Variants in LEPR observed in about 807,000 individuals in gnomAD.
LEPR encodes the protein OB receptor.
Under a neutral mutation model 114.7 loss-of-function variants are expected in LEPR, and 56 were observed. That is an observed-to-expected ratio of 0.49 (90% CI 0.39 to 0.61). The LOEUF (loss-of-function observed/expected upper bound fraction) is 0.61. LEPR is among the 20% of genes least tolerant of loss of function. The pLI is 0.00. For missense variants in LEPR, 1,202 were observed against 1,352.9 expected, an observed-to-expected ratio of 0.89 and a Z score of 1.75; for synonymous variants, 443 against 461.4, an observed-to-expected ratio of 0.96 and a Z score of 0.51.
rs994212259 is a variant in LEPR, at chr1:65,434,532, C to G, written c.-21+9154C>G. The stretch of plus-strand genomic sequence containing the variant: ...TTGGTGATTGAGTTCCCAGGCCAAG[C>G]CTCCCTCAACAGGTTCAACTCTAAT... On this transcript the variant is annotated intron_variant, in intron 2 of 19. Transcript: ENST00000349533. 4.1e-6 allele frequency: 4 copies of G among 984,944 alleles called. No individual in the cohort carries two copies. The East Asian group carries it at 4.5e-4, about 112-fold the overall frequency. 61.0% of individuals were successfully genotyped at this position (984,944 alleles called of 1,614,324 possible). A position where few individuals can be genotyped will look rare whatever the true frequency, so the allele number is the denominator to read the frequency against.
At chr1:65,586,050 A>G (rs998146961) in intron 5 of LEPR, among the ~76,000 whole-genome samples, 2 of 152,040 alleles carry the variant, frequency 1.3e-5, no homozygotes, top group Non-Finnish European at 2.9e-5. Flanking sequence ...GGTTATAATT[A>G]TTTTTTAGTC....
At chr1:65,612,148 C>A (rs1181652520) in intron 14 of LEPR, among the ~76,000 whole-genome samples, 1 of 152,186 alleles carries the variant, frequency 6.6e-6, no homozygotes, top group Non-Finnish European at 1.5e-5. Context: ...GAGTAAGCCA[C>A]AAGGCCACAG....
chr1:65,488,188 C>CT (rs1221447548), intron 2 of LEPR, among the ~76,000 whole-genome samples: 3 of 19,542 alleles, frequency 1.5e-4, no homozygotes, highest in African/African-American at 2.2e-4. Context: ...TTCTTTCTTT[C>CT]TTTCTTTCTT....
intron 5 of LEPR, among the ~76,000 whole-genome samples, chr1:65,587,738 AT>A (rs879471060): frequency 6.6e-6 from 1 of 151,852 alleles, no homozygotes; most frequent in Non-Finnish European, 1.5e-5. Flanking sequence ...TTCAGGGTTG[AT>A]TTTTTTTAGT....
At position 65,570,812 on chromosome 1, in the gene LEPR, A is replaced by G; in HGVS notation, c.370+10A>G. The G allele has an allele frequency of 6.5e-7, 1 of 1,541,284 alleles. No homozygotes were observed. Among genetic ancestry groups the G allele is most frequent in the Non-Finnish European group, 8.7e-7 (1 of 1,146,892 alleles). On this transcript the variant is annotated intron_variant, in intron 4 of 19. Transcript: ENST00000349533. ...GTTTTTCAACAAATAGGTAAGCATT[A>G]GCTATGTTTTAAATGTATTGAACAA... is the stretch of plus-strand genomic sequence containing the variant.
intron 2 of LEPR, among the ~76,000 whole-genome samples, chr1:65,456,032 G>A (rs570241612): frequency 6.6e-6 from 1 of 152,302 alleles, no homozygotes; most frequent in South Asian, 2.1e-4. Flanking sequence ...TCGGGTGGGA[G>A]TGACCCGATT....
At chr1:65,513,158 A>G (rs1298440488) in intron 2 of LEPR, among the ~76,000 whole-genome samples, 4 of 152,174 alleles carry the variant, frequency 2.6e-5, no homozygotes, top group African/African-American at 7.2e-5. Context: ...AGATACTATG[A>G]TGGTTCCAGC....
chr1:65,590,988 C>T (rs1655658732), intron 5 of LEPR, among the ~76,000 whole-genome samples: 1 of 151,720 alleles, frequency 6.6e-6, no homozygotes, highest in Admixed American at 6.6e-5. Flanking sequence ...TAGTGTTAAA[C>T]ACATTTCCCT....
chr1:65,608,990 G>A, intron 12 of LEPR, 89 bp downstream of exon 12: 2 of 1,515,750 alleles, frequency 1.3e-6, no homozygotes, highest in Non-Finnish European at 1.8e-6. Context: ...AATTTTATTG[G>A]CATAAAAGTA....
At chr1:65,517,667 G>T (rs12029311) in intron 2 of LEPR, among the ~76,000 whole-genome samples, 10 of 152,178 alleles carry the variant, frequency 6.6e-5, no homozygotes, top group African/African-American at 2.4e-4. Context: ...AATAGTCTTC[G>T]ATGTGGTAGG....
At chr1:65,436,181 C>T (rs1043865582) in intron 2 of LEPR, among the ~76,000 whole-genome samples, 35 of 152,282 alleles carry the variant, frequency 2.3e-4, no homozygotes, top group African/African-American at 8.2e-4. Context: ...AGAAACAGTT[C>T]AGGAATGTTG....
intron 19 of LEPR, 104 bp from the exon 20 acceptor site, chr1:65,636,087 T>C: frequency 1.5e-6 from 2 of 1,314,110 alleles, no homozygotes; most frequent in Admixed American, 3.6e-5. Flanking sequence ...GGTTGACTTA[T>C]GTTCTTTATT....
chr1:65,504,551 A>G (rs747696620), intron 2 of LEPR, among the ~76,000 whole-genome samples: 3 of 152,196 alleles, frequency 2.0e-5, no homozygotes, highest in Non-Finnish European at 2.9e-5. Flanking sequence ...GCAAATCACA[A>G]TTGAGGGGCA....
At chr1:65,523,063 A>T (rs892044425) in intron 2 of LEPR, among the ~76,000 whole-genome samples, 1 of 152,210 alleles carries the variant, frequency 6.6e-6, no homozygotes, top group Admixed American at 6.5e-5. Flanking sequence ...GGTGTCTCCT[A>T]GCCTAGAATG....
intron 5 of LEPR, among the ~76,000 whole-genome samples, chr1:65,590,689 T>C (rs1274377105): frequency 2.0e-5 from 3 of 152,026 alleles, no homozygotes; most frequent in Non-Finnish European, 2.9e-5. Flanking sequence ...AATTACCCAG[T>C]CTTGGGTATT....
At chr1:65,421,784 G>C (rs1646256673) in intron 1 of LEPR, among the ~76,000 whole-genome samples, 1 of 152,156 alleles carries the variant, frequency 6.6e-6, no homozygotes, top group African/African-American at 2.4e-5. Flanking sequence ...GAAAAGTAGT[G>C]TCTCAGTACT....
Position 65,633,026 on chromosome 1 carries a change from TA to T in LEPR, c.2674-3163del. 1 of 776,672 alleles carries T rather than the reference TA, an allele frequency of 1.3e-6. No homozygotes were observed. The highest frequency in any genetic ancestry group is 2.1e-6 in the Non-Finnish European group (1 of 483,772). The allele number at this position is 776,672 out of a possible 1,614,324, so 48.1% of individuals were successfully genotyped here. On this transcript the variant is annotated intron_variant, in intron 19 of 19. Transcript: ENST00000349533. This position sits in a 1 kb window ranked among gnomAD's most constrained non-coding sequence, Gnocchi z 4.1. Reference sequence around the variant, plus strand: ...CCTTTCCCAAAAGGATGCATTATTGTAACCTAACACAAAAATTTATAGTCCA... The same window carrying T: ...CCTTTCCCAAAAGGATGCATTATTGTACCTAACACAAAAATTTATAGTCCA...
intron 2 of LEPR, among the ~76,000 whole-genome samples, chr1:65,533,346 G>A (rs1650533916): frequency 6.6e-6 from 1 of 152,056 alleles, no homozygotes; most frequent in East Asian, 1.9e-4. Context: ...AACTTGACAA[G>A]CTGATTCTAA....
intron 2 of LEPR, among the ~76,000 whole-genome samples, chr1:65,483,176 C>CAACA (rs1307012832): frequency 1.1e-4 from 16 of 151,706 alleles, no homozygotes; most frequent in African/African-American, 3.9e-4. Context: ...AGAAAGCAGA[C>CAACA]TTGGAGAATG....
Sources: allele counts gnomAD v4.1 joint callset (sites outside exome capture counted in the v4.1 genomes callset), GRCh38; gene constraint gnomAD v4.1.1; non-coding constraint Gnocchi (gnomAD v3.1); transcripts MANE v1.5; gene names NCBI Gene and HGNC (gene_info 2026-07-23, HGNC 2026-07-21).